FKTN: variants seen among roughly 807,000 people sequenced by gnomAD.
FKTN encodes the protein ribitol-5-phosphate transferase FKTN.
FKTN carries 47 observed loss-of-function variants against 58.6 expected under a neutral mutation model. The ratio of observed to expected loss-of-function variants is 0.80; its 90% confidence interval spans 0.63 to 1.02. The LOEUF is 1.02. Among genes scored for constraint, FKTN ranks in the 50% least tolerant of loss-of-function variants. The pLI is 0.00. For synonymous variants in FKTN, 178 were observed against 191.9 expected, an observed-to-expected ratio of 0.93 and a Z score of 0.60; for missense variants, 516 against 537.3, an observed-to-expected ratio of 0.96 and a Z score of 0.39.
intron 7 of FKTN, among the ~76,000 whole-genome samples, chr9:105,614,783 G>C (rs1830510372): frequency 6.6e-6 from 1 of 151,634 alleles, no homozygotes; most frequent in African/African-American, 2.4e-5. Context: ...CTGCTCTTAA[G>C]TGTTCATTTT....
rs144650957 is a variant in FKTN at position 105,615,770 on chromosome 9, T to C, written c.910+363T>C. On this transcript the variant is annotated intron_variant, in intron 8 of 10. Coordinates refer to ENST00000357998, the MANE Select transcript of FKTN (RefSeq NM_001079802.2). Reference sequence around the variant, plus strand: ...GTACTGAACCCTATATACGCTGCTCTTTCCCTATACATACATATGATGTTT... The same window carrying C: ...GTACTGAACCCTATATACGCTGCTCCTTCCCTATACATACATATGATGTTT... Among the ~76,000 whole-genome samples, 76 of 152,318 alleles carry C rather than the reference T, an allele frequency of 5.0e-4. 1 individual carries two copies. The East Asian group carries it at 0.014, about 28-fold the overall frequency.
chr9:105,598,183 A>G (rs764068409), intron 4 of FKTN: 2 of 465,512 alleles, frequency 4.3e-6, no homozygotes, highest in Admixed American at 4.8e-5. Flanking sequence ...TACCACATTC[A>G]GTGAGTTCTC....
At chr9:105,630,990 A>T (rs1431492207) in intron 10 of FKTN, among the ~76,000 whole-genome samples, 2 of 152,020 alleles carry the variant, frequency 1.3e-5, no homozygotes, top group African/African-American at 4.8e-5. Flanking sequence ...AAAATTAGCC[A>T]GGTGTGGTGG....
chr9:105,621,811 A>G (rs1453993110), intron 10 of FKTN, among the ~76,000 whole-genome samples: 3 of 152,144 alleles, frequency 2.0e-5, no homozygotes, highest in Admixed American at 2.0e-4. Context: ...TTATTCAACC[A>G]ATTCCCTATT....
chr9:105,625,938 G>T (rs528895507), intron 10 of FKTN, among the ~76,000 whole-genome samples: 12 of 151,854 alleles, frequency 7.9e-5, no homozygotes, highest in Non-Finnish European at 1.2e-4. Context: ...CTAACTTCTG[G>T]TATTACAGTT....
At chr9:105,599,892 T>C (rs1251969139) in intron 4 of FKTN, among the ~76,000 whole-genome samples, 1 of 152,150 alleles carries the variant, frequency 6.6e-6, no homozygotes, top group Non-Finnish European at 1.5e-5. Context: ...GTATTCTTCC[T>C]TAAAAATGAT....
chr9:105,607,943 T>G lies in FKTN; in HGVS notation c.772T>G (p.Phe258Val). The change falls in exon 7 of 11, where the codon TTC becomes GTC. Residue 258 changes from phenylalanine to valine, a missense_variant. Coordinates refer to ENST00000357998, the MANE Select transcript of FKTN (RefSeq NM_001079802.2). ...IECRYKEARA[F>V]FQQYLDDNTV... ...GTGTAGGTATAAAGAAGCTCGAGCA[T>G]TCTTTCAGGTTAGAGACAACCAAAT... 1.2e-6 allele frequency: 2 copies of G among 1,611,212 alleles called. No individual in the cohort carries two copies. Among genetic ancestry groups the G allele is most frequent in the Non-Finnish European group, 1.7e-6 (2 of 1,177,580 alleles).
chr9:105,579,926 T>A (rs1261416870), intron 3 of FKTN, among the ~76,000 whole-genome samples: 1 of 151,856 alleles, frequency 6.6e-6, no homozygotes, highest in Non-Finnish European at 1.5e-5. Context: ...TGTAATGGCC[T>A]TCTTTGTCTC....
chr9:105,582,190 C>T (rs1843101687), intron 3 of FKTN, among the ~76,000 whole-genome samples: 1 of 152,024 alleles, frequency 6.6e-6, no homozygotes. Flanking sequence ...TTGGCTCCTA[C>T]CCGAAACTTT....
chr9:105,561,096 A>C (rs1036389890), intron 1 of FKTN, among the ~76,000 whole-genome samples: 13 of 150,272 alleles, frequency 8.7e-5, no homozygotes, highest in South Asian at 4.1e-4. Context: ...AAAAACAAAA[A>C]AAAAAACAAA....
chr9:105,590,126 G>T (rs747867745), intron 3 of FKTN, among the ~76,000 whole-genome samples: 4 of 152,094 alleles, frequency 2.6e-5, no homozygotes, highest in Non-Finnish European at 5.9e-5. Flanking sequence ...ATCTTTAATT[G>T]TAGCTCCCAT....
chr9:105,570,869 G>GA (rs1463291254), intron 1 of FKTN, among the ~76,000 whole-genome samples: 29 of 152,128 alleles, frequency 1.9e-4, no homozygotes, highest in African/African-American at 7.0e-4. Context: ...TGGTTTTATG[G>GA]AAGTAAATGA....
chr9:105,626,286 A>C (rs1832728037), intron 10 of FKTN, among the ~76,000 whole-genome samples: 1 of 152,142 alleles, frequency 6.6e-6, no homozygotes, highest in Admixed American at 6.5e-5. Flanking sequence ...GTGGCTCATA[A>C]ACAGAAATTT....
intron 10 of FKTN, among the ~76,000 whole-genome samples, chr9:105,627,895 G>T (rs1251857462): frequency 1.3e-5 from 2 of 152,158 alleles, no homozygotes; most frequent in African/African-American, 2.4e-5. Context: ...ATCCTCTTAA[G>T]TGTAGTCTAC....
At position 105,575,150 on chromosome 9, in the gene FKTN, C is replaced by T; in HGVS notation, c.105+13C>T. 7.4e-7 allele frequency: 1 copy of T among 1,347,370 alleles called. No individual in the cohort carries two copies. The highest frequency in any genetic ancestry group is 1.1e-6 in the Non-Finnish European group (1 of 936,780). The allele number at this position is 1,347,370 out of a possible 1,614,324, so 83.5% of individuals were successfully genotyped here. A position where few individuals can be genotyped will look rare whatever the true frequency, so the allele number is the denominator to read the frequency against. On this transcript the variant is annotated intron_variant, in intron 3 of 10. Transcript: ENST00000357998. ...TTTATCAACAAAGGTAATTTTATTC[C>T]TTCTTTCTTATCATTCCTCCTTTCT...
chr9:105,562,034 A>G (rs1412594115), intron 1 of FKTN, among the ~76,000 whole-genome samples: 2 of 151,746 alleles, frequency 1.3e-5, no homozygotes, highest in Non-Finnish European at 2.9e-5. Context: ...TCCTAATTAC[A>G]CTACTCTCTT....
At chr9:105,560,025 A>C (rs1295218133) in intron 1 of FKTN, among the ~76,000 whole-genome samples, 1 of 152,260 alleles carries the variant, frequency 6.6e-6, no homozygotes, top group African/African-American at 2.4e-5. Context: ...AACAGCATTT[A>C]CAGCAAATAA....
chr9:105,630,380 G>T (rs1833264749), intron 10 of FKTN, among the ~76,000 whole-genome samples: 1 of 152,000 alleles, frequency 6.6e-6, no homozygotes, highest in African/African-American at 2.4e-5. Context: ...AACTCAAAAA[G>T]ATCTAGATAA....
At chr9:105,620,747 A>G (rs946132192) in intron 10 of FKTN, among the ~76,000 whole-genome samples, 1 of 151,052 alleles carries the variant, frequency 6.6e-6, no homozygotes, top group Non-Finnish European at 1.5e-5. Flanking sequence ...GTGCTAAGTA[A>G]TTATTACCTG....
Sources: gnomAD v4.1 joint callset for allele counts (sites outside exome capture counted in the v4.1 genomes callset) on GRCh38, gnomAD v4.1.1 for gene constraint, MANE v1.5 for transcripts, NCBI Gene and HGNC (gene_info 2026-07-23, HGNC 2026-07-21) for gene names.